DNM3: variants seen among roughly 807,000 people sequenced by gnomAD.
The protein encoded by DNM3 is dynamin 3.
In DNM3, 47 loss-of-function variants were observed where a neutral mutation model predicts 101.6. That is an observed-to-expected ratio of 0.46 (90% CI 0.37 to 0.59). The LOEUF (loss-of-function observed/expected upper bound fraction) is 0.59, where lower values mean the gene tolerates loss of function less well. DNM3 is among the 20% of genes least tolerant of loss of function. The probability of loss-of-function intolerance (pLI) is 0.00; values close to 1 mark genes in which losing one functional copy is unlikely to be tolerated. For synonymous variants in DNM3, 385 were observed against 387.9 expected (o/e 0.99, Z 0.09); for missense variants, 849 against 1,085.7 (o/e 0.78, Z 3.06).
chr1:172,065,341 T>C (rs2051565639), intron 10 of DNM3, among the ~76,000 whole-genome samples: 2 of 152,134 alleles, frequency 1.3e-5, no homozygotes, highest in South Asian at 4.1e-4. Flanking sequence ...GATTCTATAA[T>C]AGTGTGGCTG....
intron 1 of DNM3, among the ~76,000 whole-genome samples, chr1:171,895,660 A>G (rs1226824859): frequency 3.3e-5 from 5 of 152,034 alleles, no homozygotes; most frequent in South Asian, 2.1e-4. Context: ...CCATTTGTCA[A>G]TTTTGGCTTT....
chr1:172,020,152 T>C (rs2047734903), intron 4 of DNM3, among the ~76,000 whole-genome samples: 1 of 152,116 alleles, frequency 6.6e-6, no homozygotes, highest in South Asian at 2.1e-4. Context: ...AGAGGAAGCA[T>C]GCTGTAGTCC....
chr1:172,121,147 C>T (rs761199111), intron 13 of DNM3, among the ~76,000 whole-genome samples: 15 of 151,982 alleles, frequency 9.9e-5, no homozygotes, highest in Admixed American at 2.0e-4. Flanking sequence ...ATTTGGAATC[C>T]CTTCCACATG....
chr1:172,323,469 G>T lies in DNM3; in HGVS notation c.1893+129G>T, dbSNP rs751117672. 10 of 1,135,444 alleles carry T rather than the reference G, an allele frequency of 8.8e-6. No individual in the cohort carries two copies. In the Admixed American group the frequency reaches 2.0e-4, roughly 22 times the overall value. 70.3% of individuals were successfully genotyped at this position (1,135,444 alleles called of 1,614,324 possible). ...CTGTTACAGTGCACGAATTATATGG[G>T]GTGTGCAAATTTGGGGGAAAATGTG... On this transcript the variant is annotated intron_variant, in intron 17 of 20. Transcript: ENST00000627582.
chr1:172,158,806 G>A (rs72719086), intron 14 of DNM3, among the ~76,000 whole-genome samples: 38,460 of 151,872 alleles, frequency 0.25, 5,213 homozygotes, highest in East Asian at 0.43. Context: ...TAAAAAAAGT[G>A]TTTACTATTA....
intron 1 of DNM3, among the ~76,000 whole-genome samples, chr1:171,851,765 T>C (rs1024041811): frequency 3.3e-5 from 5 of 152,214 alleles, no homozygotes; most frequent in Admixed American, 1.3e-4. Context: ...GGCCATGATA[T>C]CAGTTTAGTA....
chr1:172,158,203 G>A lies in DNM3; in HGVS notation c.1659+26915G>A, dbSNP rs145496432. Among the ~76,000 whole-genome samples the A allele has an allele frequency of 1.2e-4, 18 of 152,086 alleles. No homozygotes were observed. The East Asian group carries it at 3.1e-3, about 26-fold the overall frequency. On this transcript the variant is annotated intron_variant, in intron 14 of 20. Coordinates refer to ENST00000627582, the MANE Select transcript of DNM3 (RefSeq NM_015569.5). ...TGGGAACAGTATGTGCAAAGACCCT[G>A]AGGCAAGAGTGTGCCTGGAGGCCAG... is the stretch of plus-strand genomic sequence containing the variant.
chr1:172,397,831 C>T (rs1022919376), intron 20 of DNM3, among the ~76,000 whole-genome samples: 4 of 151,968 alleles, frequency 2.6e-5, no homozygotes, highest in Non-Finnish European at 5.9e-5. Flanking sequence ...ATTGTTCAGT[C>T]ACGATCTTCT....
At chr1:172,391,153 T>C (rs2069506524) in intron 20 of DNM3, among the ~76,000 whole-genome samples, 1 of 152,240 alleles carries the variant, frequency 6.6e-6, no homozygotes, top group African/African-American at 2.4e-5. Flanking sequence ...GTTGCCTTAT[T>C]TGAAATTTCT....
rs2071107005 is a variant in DNM3, at chr1:172,409,800, G to T, written c.*1959G>T. The T allele has an allele frequency of 1.0e-6, 1 of 985,578 alleles. No homozygotes were observed. The highest frequency in any genetic ancestry group is 4.7e-5 in the South Asian group (1 of 21,292). 61.1% of individuals were successfully genotyped at this position (985,578 alleles called of 1,614,324 possible). On this transcript the variant is annotated 3_prime_UTR_variant, in exon 21 of 21. Coordinates refer to ENST00000627582, the MANE Select transcript of DNM3 (RefSeq NM_015569.5). The stretch of plus-strand genomic sequence containing the variant: ...AATTCTCTAAAATAGGCAGCTAACG[G>T]ATTATATACTTCAGGGTTTGGCTTT...
At chr1:172,307,026 T>G (rs1353889667) in intron 15 of DNM3, among the ~76,000 whole-genome samples, 1 of 151,950 alleles carries the variant, frequency 6.6e-6, no homozygotes, top group Non-Finnish European at 1.5e-5. Context: ...AATTGACAAA[T>G]GGGATCTAAT....
At chr1:172,388,861 A>T in intron 20 of DNM3, 52 bp downstream of exon 20, 1 of 1,362,810 alleles carries the variant, frequency 7.3e-7, no homozygotes, top group Non-Finnish European at 1.0e-6. Context: ...TTCTCTTCTC[A>T]TAGAATGACA....
intron 15 of DNM3, among the ~76,000 whole-genome samples, chr1:172,293,567 G>A (rs2064020758): frequency 6.6e-6 from 1 of 152,158 alleles, no homozygotes; most frequent in Non-Finnish European, 1.5e-5. Flanking sequence ...TATCTATACA[G>A]CTACAGCATG....
At chr1:172,108,188 A>G (rs768635825) in intron 13 of DNM3, among the ~76,000 whole-genome samples, 6 of 152,146 alleles carry the variant, frequency 3.9e-5, no homozygotes, top group Non-Finnish European at 5.9e-5. Flanking sequence ...TCAGATATGT[A>G]TATGTCTTCT....
At chr1:172,059,072 C>T (rs1363152894) in intron 10 of DNM3, among the ~76,000 whole-genome samples, 35 of 151,278 alleles carry the variant, frequency 2.3e-4, no homozygotes, top group Admixed American at 9.2e-4. Context: ...AACACCTCTA[C>T]GCAAATAAAC....
chr1:172,226,367 A>T (rs535395834), intron 14 of DNM3, among the ~76,000 whole-genome samples: 20 of 152,350 alleles, frequency 1.3e-4, no homozygotes, highest in African/African-American at 4.8e-4. Context: ...AAGATAGTAG[A>T]TTACAGAGTA....
At chr1:172,219,729 A>G (rs2060840049) in intron 14 of DNM3, among the ~76,000 whole-genome samples, 1 of 152,172 alleles carries the variant, frequency 6.6e-6, no homozygotes, top group Admixed American at 6.5e-5. Flanking sequence ...GCACTCTTCC[A>G]TGCCCTCCTT....
At chr1:172,005,614 G>A (rs1042858604) in intron 4 of DNM3, among the ~76,000 whole-genome samples, 1 of 151,984 alleles carries the variant, frequency 6.6e-6, no homozygotes, top group Non-Finnish European at 1.5e-5. Flanking sequence ...AAAAGCAGCC[G>A]TGTTACCTAC....
At chr1:172,077,894 G>A (rs2052796736) in intron 11 of DNM3, among the ~76,000 whole-genome samples, 1 of 152,168 alleles carries the variant, frequency 6.6e-6, no homozygotes, top group South Asian at 2.1e-4. Context: ...AATATTGACA[G>A]TGGGGTGTTA....
Sources: gnomAD v4.1 joint callset for allele counts (sites outside exome capture counted in the v4.1 genomes callset) on GRCh38, gnomAD v4.1.1 for gene constraint, MANE v1.5 for transcripts, NCBI Gene and HGNC (gene_info 2026-07-23, HGNC 2026-07-21) for gene names.